Variants in CASK observed in about 807,000 individuals in gnomAD.
CASK encodes the protein peripheral plasma membrane protein CASK.
A neutral mutation model predicts 82.9 loss-of-function variants in CASK; 4 were observed. The observed-to-expected ratio is 0.05, with a 90% CI of 0.02 to 0.11. The LOEUF is 0.11. Among genes scored for constraint, CASK ranks in the 10% least tolerant of loss-of-function variants. CASK has a pLI of 1.00. For synonymous variants in CASK, 259 were observed against 253.5 expected, an observed-to-expected ratio of 1.02 and a Z score of -0.20; for missense variants, 358 against 720.9, an observed-to-expected ratio of 0.50 and a Z score of 5.76.
chrX:41,790,699 A>C (rs757626559), intron 2 of CASK, among the ~76,000 whole-genome samples: 1 of 112,376 alleles, frequency 8.9e-6, no homozygotes, highest in South Asian at 3.7e-4. Flanking sequence ...TCAAATGATA[A>C]GGGCAATGAT....
At chrX:41,801,228 G>A (rs1052503464) in intron 2 of CASK, among the ~76,000 whole-genome samples, 2 of 112,099 alleles carry the variant, frequency 1.8e-5, no homozygotes, top group African/African-American at 6.5e-5. Flanking sequence ...ACTAAGAGCA[G>A]CAGGAATACT....
In CASK at chrX:41,822,060, T is replaced by C. The variant is rs1486118304; in HGVS notation, c.172+31055A>G. On this transcript the variant is annotated intron_variant, in intron 2 of 26. Transcript: ENST00000378163. ...GACACTAAGTTTTGGGGTAATTTGT[T>C]ATGCAGCCACAGTACCTTGAGCACC... 2.7e-5 allele frequency among the ~76,000 whole-genome samples: 3 copies of C among 112,272 alleles called. No individual in the cohort carries two copies. The East Asian group carries it at 8.3e-4, about 31-fold the overall frequency.
intron 16 of CASK, chrX:41,561,888 G>T (rs941776518): frequency 2.9e-6 from 1 of 342,304 alleles, no homozygotes; most frequent in Non-Finnish European, 5.1e-6. Context: ...TTTTCTGAGA[G>T]AGGTGGTATG....
At chrX:41,522,534 T>C (rs1337411274) in intron 26 of CASK, among the ~76,000 whole-genome samples, 1 of 111,802 alleles carries the variant, frequency 8.9e-6, no homozygotes, top group Admixed American at 9.5e-5. Context: ...AAAACGCCAT[T>C]TTAGCAAATG....
intron 2 of CASK, among the ~76,000 whole-genome samples, chrX:41,791,687 C>G (rs1472904222): frequency 1.9e-5 from 2 of 106,020 alleles, no homozygotes; most frequent in African/African-American, 6.9e-5. Flanking sequence ...CACGCCACTG[C>G]ATTCCAGCCA....
At chrX:41,535,523 G>C (rs933390292) in intron 22 of CASK, among the ~76,000 whole-genome samples, 1 of 109,454 alleles carries the variant, frequency 9.1e-6, no homozygotes, top group Non-Finnish European at 1.9e-5. Context: ...TAGATTCTAA[G>C]GCAAGTTCTG....
At chrX:41,842,877 G>A (rs1190421366) in intron 2 of CASK, among the ~76,000 whole-genome samples, 1 of 111,600 alleles carries the variant, frequency 9.0e-6, no homozygotes, top group African/African-American at 3.3e-5. Context: ...TATTAGCCTT[G>A]CACTTCCTTG....
chrX:41,618,129 A>T (rs987301207), intron 11 of CASK, among the ~76,000 whole-genome samples: 1 of 112,609 alleles, frequency 8.9e-6, no homozygotes, highest in African/African-American at 3.2e-5. Context: ...TTGAAAACAA[A>T]GTATGAGAAA....
chrX:41,770,310 A>ATCCAT (rs1465927861), intron 3 of CASK, among the ~76,000 whole-genome samples: 75 of 96,867 alleles, frequency 7.7e-4, no homozygotes, highest in African/African-American at 1.8e-3. Context: ...CTACCTACCT[A>ATCCAT]CCTATCCATC....
chrX:41,690,564 T>C (rs2067531035), intron 5 of CASK, among the ~76,000 whole-genome samples: 1 of 107,445 alleles, frequency 9.3e-6, no homozygotes, highest in South Asian at 4.2e-4. Flanking sequence ...TTTCGCTATG[T>C]TGGCCAGGCT....
At chrX:41,857,004 A>C (rs1280919304) in intron 1 of CASK, among the ~76,000 whole-genome samples, 1 of 110,469 alleles carries the variant, frequency 9.1e-6, no homozygotes, top group Non-Finnish European at 1.9e-5. Context: ...TTTTCTATTG[A>C]ATATCTGACT....
At chrX:41,532,323 A>T (rs2064816319) in intron 24 of CASK, among the ~76,000 whole-genome samples, 1 of 112,348 alleles carries the variant, frequency 8.9e-6, no homozygotes, top group African/African-American at 3.2e-5. Context: ...TTTTCATGAG[A>T]CAACAGCAGA....
intron 7 of CASK, among the ~76,000 whole-genome samples, chrX:41,663,656 A>G (rs1054016897): frequency 7.1e-5 from 8 of 112,272 alleles, no homozygotes; most frequent in African/African-American, 2.6e-4. Flanking sequence ...ACAACTGAAC[A>G]AACACAAAGG....
chrX:41,834,115 G>A (rs1223262890), intron 2 of CASK, among the ~76,000 whole-genome samples: 3 of 112,122 alleles, frequency 2.7e-5, no homozygotes, highest in African/African-American at 9.7e-5. Context: ...AGCAAAGCAA[G>A]AATAGATCTA....
intron 15 of CASK, among the ~76,000 whole-genome samples, chrX:41,574,028 T>TC (rs1177691729): frequency 9.0e-6 from 1 of 111,638 alleles, no homozygotes; most frequent in African/African-American, 3.2e-5. Context: ...TGGATGGTTT[T>TC]TTTTTCCATC....
chrX:41,521,075 G>A (rs1308352065), intron 26 of CASK, among the ~76,000 whole-genome samples: 1 of 112,554 alleles, frequency 8.9e-6, no homozygotes, highest in Non-Finnish European at 1.9e-5. Flanking sequence ...ACTCACTGGA[G>A]CCAGGCCTCA....
At chrX:41,724,429 GAAGTT>G (rs2147668378) in intron 5 of CASK, 1 of 112,603 alleles carries the variant, frequency 8.9e-6, no homozygotes, top group South Asian at 3.6e-4. Context: ...ATTAGTAACT[GAAGTT>G]AAGAGTTGTA....
chrX:41,728,196 C>A, intron 5 of CASK: 1 of 356,355 alleles, frequency 2.8e-6, no homozygotes, highest in Non-Finnish European at 4.9e-6. Flanking sequence ...TCATAAAACT[C>A]AAAAAACAGT....
chrX:41,822,951 T>G (rs1254881688), intron 2 of CASK, among the ~76,000 whole-genome samples: 2 of 105,556 alleles, frequency 1.9e-5, no homozygotes, highest in Non-Finnish European at 3.9e-5. Flanking sequence ...TTTCCTCAAT[T>G]GTAGGCTACT....
Sources: allele counts gnomAD v4.1 joint callset (sites outside exome capture counted in the v4.1 genomes callset), GRCh38; gene constraint gnomAD v4.1.1; transcripts MANE v1.5; gene names NCBI Gene and HGNC (gene_info 2026-07-23, HGNC 2026-07-21).